The following WWP2 variants were observed in gnomAD, a reference collection of about 807,000 sequenced individuals.
WWP2 encodes the protein WW domain containing E3 ubiquitin protein ligase 2.
In WWP2, 57 loss-of-function variants were observed where a neutral mutation model predicts 121.0. The ratio of observed to expected loss-of-function variants is 0.47; its 90% CI spans 0.38 to 0.59. The LOEUF is 0.59. WWP2 is among the 20% of genes least tolerant of loss of function. The probability of loss-of-function intolerance (pLI) is 0.00; values close to 1 mark genes in which losing one functional copy is unlikely to be tolerated. For synonymous variants in WWP2, 449 were observed against 441.3 expected, an observed-to-expected ratio of 1.02 and a Z score of -0.22; for missense variants, 962 against 1,158.9, an observed-to-expected ratio of 0.83 and a Z score of 2.47.
intron 8 of WWP2, among the ~76,000 whole-genome samples, chr16:69,893,364 C>T (rs993844620): frequency 3.9e-5 from 6 of 152,136 alleles, no homozygotes; most frequent in African/African-American, 9.7e-5. Flanking sequence ...CTTTTAAATG[C>T]CATCTTTTTT....
chr16:69,845,435 G>A (rs1168050027), intron 6 of WWP2, among the ~76,000 whole-genome samples: 1 of 152,174 alleles, frequency 6.6e-6, no homozygotes, highest in South Asian at 2.1e-4. Context: ...CAGAGAGAAT[G>A]ATGGGCTTCT....
At chr16:69,929,983 G>T (rs79839225) in intron 12 of WWP2, 147 bp from the exon 13 acceptor site, 2 of 1,240,422 alleles carry the variant, frequency 1.6e-6, no homozygotes, top group Non-Finnish European at 2.2e-6. Flanking sequence ...CTGTTCTCAC[G>T]ACTTGGGTCA....
At chr16:69,771,681 A>G (rs1473309731) in intron 1 of WWP2, among the ~76,000 whole-genome samples, 1 of 152,132 alleles carries the variant, frequency 6.6e-6, no homozygotes, top group Non-Finnish European at 1.5e-5. Flanking sequence ...TTGCTGAAAA[A>G]CAATTCTCTT....
At chr16:69,841,774 G>A (rs1006511413) in intron 5 of WWP2, among the ~76,000 whole-genome samples, 15 of 152,166 alleles carry the variant, frequency 9.9e-5, no homozygotes. Context: ...TGCCTTGGAT[G>A]TTCTTCAATG....
chr16:69,792,911 G>A (rs942776165), intron 2 of WWP2, among the ~76,000 whole-genome samples: 2 of 152,018 alleles, frequency 1.3e-5, no homozygotes, highest in African/African-American at 4.8e-5. Context: ...GGCTTGTCTC[G>A]AACTCCTGGG....
intron 6 of WWP2, among the ~76,000 whole-genome samples, chr16:69,868,399 C>T (rs948821465): frequency 3.3e-5 from 5 of 152,148 alleles, no homozygotes; most frequent in African/African-American, 9.7e-5. Flanking sequence ...TAATGGGACC[C>T]ACCCTATTGT....
At chr16:69,904,075 G>A (rs549601800) in intron 8 of WWP2, among the ~76,000 whole-genome samples, 2 of 152,298 alleles carry the variant, frequency 1.3e-5, no homozygotes, top group African/African-American at 2.4e-5. Context: ...GGCGCTCAGC[G>A]CTTTCATTTT....
In WWP2 at chr16:69,832,269, G is replaced by A. The variant is rs187092548; in HGVS notation, c.341-7857G>A. Among the ~76,000 whole-genome samples the A allele has an allele frequency of 1.8e-3, 279 of 152,162 alleles. 1 individual carries two copies. Among genetic ancestry groups the A allele is most frequent in the Middle Eastern group, 0.01 (3 of 292 alleles). On this transcript the variant is annotated intron_variant, in intron 4 of 23. Coordinates refer to ENST00000359154, the MANE Select transcript of WWP2 (RefSeq NM_001270454.2). ...ATGAATCCCCACATGCCATTACCCA[G>A]TTCAGTAGCCATCTATGACGGGCCA...
chr16:69,853,216 T>A (rs2057250806), intron 6 of WWP2, among the ~76,000 whole-genome samples: 1 of 152,206 alleles, frequency 6.6e-6, no homozygotes, highest in Non-Finnish European at 1.5e-5. Context: ...GAAAAGGATT[T>A]AATATGGGGA....
chr16:69,811,782 A>G (rs932574353), intron 4 of WWP2, among the ~76,000 whole-genome samples: 1 of 152,078 alleles, frequency 6.6e-6, no homozygotes, highest in Non-Finnish European at 1.5e-5. Flanking sequence ...AATTCAGAGA[A>G]GTGTTACAAG....
chr16:69,855,311 T>C (rs2057291282), intron 6 of WWP2, among the ~76,000 whole-genome samples: 2 of 152,240 alleles, frequency 1.3e-5, no homozygotes, highest in African/African-American at 2.4e-5. Context: ...GCCATCCTTA[T>C]TTCTTAAGTA....
At chr16:69,899,030 G>A (rs1018411323) in intron 8 of WWP2, among the ~76,000 whole-genome samples, 1 of 152,174 alleles carries the variant, frequency 6.6e-6, no homozygotes, top group African/African-American at 2.4e-5. Context: ...AATAATGCTA[G>A]GTACAAATTG....
At chr16:69,840,026 G>A (rs2056946296) in intron 4 of WWP2, 100 bp from the exon 5 acceptor site, 4 of 1,527,004 alleles carry the variant, frequency 2.6e-6, no homozygotes, top group Admixed American at 1.8e-5. Flanking sequence ...AGCATTCCCA[G>A]AGAAGCCAGC....
rs768171630 is a variant in WWP2 at position 69,842,060 on chromosome 16, C to T, written c.515C>T (p.Ala172Val). The part of the protein sequence containing the change: ...QLPSRDSSGT[A>V]VAPENRHQPP... ...CCTTCGAGAGACTCCAGTGGAACAG[C>T]AGTAGCTCCAGAGAACCGGCACCAG... The change falls in exon 6 of 24, where the codon GCA becomes GTA. Residue 172 changes from alanine (A) to valine (V), a missense_variant. Physicochemically the swap from Ala to Val is moderately conservative, Grantham distance 64. Transcript: ENST00000359154. 9 of 1,613,470 alleles carry T rather than the reference C, an allele frequency of 5.6e-6. No homozygotes were observed. The highest frequency in any genetic ancestry group is 7.6e-6 in the Non-Finnish European group (9 of 1,179,798).
At chr16:69,869,402 TG>T (rs200046595) in intron 6 of WWP2, among the ~76,000 whole-genome samples, 9,355 of 149,114 alleles carry the variant, frequency 0.063, 333 homozygotes, top group Middle Eastern at 0.11. Context: ...TTTTTTTTTT[TG>T]TTAAACAAGG....
chr16:69,847,922 T>C (rs535977893), intron 6 of WWP2, among the ~76,000 whole-genome samples: 10 of 152,140 alleles, frequency 6.6e-5, no homozygotes, highest in African/African-American at 2.2e-4. Flanking sequence ...GGGAGTCAAG[T>C]TGGAATGAAG....
chr16:69,772,746 C>T lies in WWP2; in HGVS notation c.-16+10355C>T, dbSNP rs140597563. ...TTGTGGGGAGGTGCTTTTGGTGCCT[C>T]TTCCCTGTTTCAGCCAGTCTTCAGT... On this transcript the variant is annotated intron_variant, in intron 1 of 23. Transcript: ENST00000359154. Among the ~76,000 whole-genome samples the T allele has an allele frequency of 6.8e-3, 1,033 of 152,184 alleles. 6 individuals carry two copies. Among genetic ancestry groups the T allele is most frequent in the Non-Finnish European group, 9.7e-3 (657 of 68,000 alleles).
intron 6 of WWP2, among the ~76,000 whole-genome samples, chr16:69,857,836 A>AT (rs1230985584): frequency 2.7e-5 from 4 of 150,586 alleles, no homozygotes; most frequent in Admixed American, 1.3e-4. Context: ...TAATTTTTAA[A>AT]TTTTTTTTTG....
At chr16:69,920,352 C>T (rs1157375484) in intron 10 of WWP2, among the ~76,000 whole-genome samples, 2 of 152,176 alleles carry the variant, frequency 1.3e-5, no homozygotes, top group Non-Finnish European at 2.9e-5. Context: ...AGGCTTCCCA[C>T]CCATGCCTGC....
Sources: allele counts gnomAD v4.1 joint callset (sites outside exome capture counted in the v4.1 genomes callset), GRCh38; gene constraint gnomAD v4.1.1; transcripts MANE v1.5; gene names NCBI Gene and HGNC (gene_info 2026-07-23, HGNC 2026-07-21).